PHF13: variants seen among roughly 807,000 people sequenced by gnomAD.
PHF13 encodes the protein PHD zinc finger protein PHF5.
Under a neutral mutation model 25.8 loss-of-function variants are expected in PHF13, and 1 was observed. The ratio of observed to expected loss-of-function variants is 0.04; its 90% confidence interval spans 0.01 to 0.18. The LOEUF is 0.18. Ranked by LOEUF, PHF13 falls within the 10% of genes least tolerant of loss-of-function variation. PHF13 has a pLI of 1.00. For missense variants in PHF13, 306 were observed against 403.2 expected, an observed-to-expected ratio of 0.76 and a Z score of 2.06; for synonymous variants, 195 against 162.4, an observed-to-expected ratio of 1.20 and a Z score of -1.53.
intron 2 of PHF13, among the ~76,000 whole-genome samples, chr1:6,618,469 G>A (rs1436709270): frequency 2.0e-5 from 3 of 152,176 alleles, no homozygotes; most frequent in Non-Finnish European, 2.9e-5. Flanking sequence ...GTCTCACTGT[G>A]TTGCTGAGGC....
rs775474076 is a variant in PHF13 at position 6,619,782 on chromosome 1, C to G, written c.142-21C>G. ...GGATCTTGTCACCAGTAACTGGAAT[C>G]TGCCACCTTTGTCTTTTTAGGAACT... On this transcript the variant is annotated intron_variant, in intron 2 of 3. Coordinates refer to ENST00000377648, the MANE Select transcript of PHF13 (RefSeq NM_153812.3). 1.9e-6 allele frequency: 3 copies of G among 1,568,326 alleles called. No individual in the cohort carries two copies. In the Admixed American group the frequency reaches 5.4e-5, roughly 28 times the overall value.
At position 6,613,816 on chromosome 1, in the gene PHF13, C is replaced by G; in HGVS notation, c.-251C>G. On this transcript the variant is annotated 5_prime_UTR_variant, in exon 1 of 4. Transcript: ENST00000377648. ...CGCTCACCGCCGCCGCCGCCGCCCC[C>G]TGCAGCCACTCTCCCGCCTCTACCG... 1 of 421,012 alleles carries G rather than the reference C, an allele frequency of 2.4e-6. No individual in the cohort carries two copies. The highest frequency in any genetic ancestry group is 4.2e-6 in the Non-Finnish European group (1 of 235,790). 26.1% of individuals were successfully genotyped at this position (421,012 alleles called of 1,614,324 possible). A position where few individuals can be genotyped will look rare whatever the true frequency, so the allele number is the denominator to read the frequency against.
Position 6,621,496 on chromosome 1 carries a change from C to T in PHF13, c.762C>T (p.Thr254=). ...RPMIECNECH[T]WIHLSCAKIR... ...TGATCGAGTGTAATGAGTGCCACAC[C>T]TGGATTCACCTGTCCTGTGCGAAAA... Residue 254 remains threonine, a synonymous_variant, in exon 4 of 4, where the codon ACC becomes ACT. Coordinates refer to ENST00000377648, the MANE Select transcript of PHF13 (RefSeq NM_153812.3). This position sits in a 1 kb window ranked among gnomAD's most constrained non-coding sequence, Gnocchi z 4.8. 6.2e-7 allele frequency: 1 copy of T among 1,614,160 alleles called. No homozygotes were observed.
intron 1 of PHF13, chr1:6,614,464 C>A (rs1021913073): frequency 1.3e-5 from 3 of 238,950 alleles, no homozygotes; most frequent in Middle Eastern, 1.4e-3. Context: ...TCCCCGCCCC[C>A]GGGGACGCGG....
chr1:6,615,271 C>G (rs905530879), intron 1 of PHF13, among the ~76,000 whole-genome samples: 6 of 152,130 alleles, frequency 3.9e-5, no homozygotes, highest in African/African-American at 9.7e-5. Flanking sequence ...CTGCTGGTTC[C>G]CCGCCGAAAG....
chr1:6,623,492 GTT>G lies in PHF13; in HGVS notation c.*1859_*1860del, dbSNP rs976689761. ...ACGTGAATAACCAGCGCTCCAAAGT[GTT>G]TTTCTGCTTTGAAAAAAAAAAATTC... On this transcript the variant is annotated 3_prime_UTR_variant, in exon 4 of 4. Transcript: ENST00000377648. 8.5e-6 allele frequency: 1 copy of G among 117,998 alleles called. No individual in the cohort carries two copies. Among genetic ancestry groups the G allele is most frequent in the Non-Finnish European group, 1.8e-5 (1 of 55,752 alleles). 7.3% of individuals were successfully genotyped at this position (117,998 alleles called of 1,614,324 possible). A position where few individuals can be genotyped will look rare whatever the true frequency, so the allele number is the denominator to read the frequency against.
In PHF13 at chr1:6,619,941, C is replaced by T. The variant is rs1641313375; in HGVS notation, c.280C>T (p.Gln94Ter). ...PVSDRCFSHL[Q>*]PTLLQRAKPS... ...CTCTGACCGCTGCTTTAGCCACCTG[C>T]AGCCTACTCTCTTGCAGCGAGCCAA... is the stretch of plus-strand genomic sequence containing the variant. Residue 94 changes from glutamine (Q) to a stop codon, truncating the protein, a stop_gained, in exon 3 of 4, where the codon CAG becomes TAG. Transcript: ENST00000377648. LOFTEE classifies it high-confidence loss of function. The T allele has an allele frequency of 6.2e-7, 1 of 1,613,852 alleles. No individual in the cohort carries two copies. Among genetic ancestry groups the T allele is most frequent in the African/African-American group, 1.3e-5 (1 of 74,900 alleles).
At chr1:6,617,169 A>G (rs1641273761) in intron 2 of PHF13, among the ~76,000 whole-genome samples, 1 of 143,170 alleles carries the variant, frequency 7.0e-6, no homozygotes, top group Admixed American at 6.9e-5. Flanking sequence ...GTGTCGTAAA[A>G]CTCCACCCCC....
rs1471359783 is a variant in PHF13 at position 6,621,532 on chromosome 1, C to G, written c.798C>G (p.Ser266=). The G allele has an allele frequency of 6.2e-7, 1 of 1,614,170 alleles. No homozygotes were observed. The highest frequency in any genetic ancestry group is 1.1e-5 in the South Asian group (1 of 91,086). The change falls in exon 4 of 4, where the codon TCC becomes TCG. Residue 266 remains serine, a synonymous_variant. Coordinates refer to ENST00000377648, the MANE Select transcript of PHF13 (RefSeq NM_153812.3). The surrounding 1 kb of genome is among the most constrained non-coding windows in gnomAD (Gnocchi z 4.8). Reference sequence around the variant, plus strand: ...TGTCCTGTGCGAAAATCCGGAAATCCAATGTTCCAGAAGTGTTTGTCTGCC... The same window carrying G: ...TGTCCTGTGCGAAAATCCGGAAATCGAATGTTCCAGAAGTGTTTGTCTGCC... The part of the protein sequence containing the change: ...IHLSCAKIRK[S]NVPEVFVCQK...
At chr1:6,617,765 C>T (rs1011615155) in intron 2 of PHF13, among the ~76,000 whole-genome samples, 5 of 152,218 alleles carry the variant, frequency 3.3e-5, no homozygotes, top group Non-Finnish European at 7.3e-5. Context: ...TAGTTACTGA[C>T]TGTTGACCAT....
chr1:6,614,045 G>A lies in PHF13; in HGVS notation c.-22G>A. On this transcript the variant is annotated 5_prime_UTR_variant, in exon 1 of 4. Transcript: ENST00000377648. ...TCCCAGCTCCTGCACTCTCGCAGCC[G>A]CCGCCGCCCCCCGCCCGGAACATGG... is the stretch of plus-strand genomic sequence containing the variant. 6.3e-7 allele frequency: 1 copy of A among 1,581,990 alleles called. No individual in the cohort carries two copies. Among genetic ancestry groups the A allele is most frequent in the Non-Finnish European group, 8.6e-7 (1 of 1,165,792 alleles).
chr1:6,616,189 C>T lies in PHF13; in HGVS notation c.40-568C>T, dbSNP rs371221402. Among the ~76,000 whole-genome samples, 251 of 152,032 alleles carry T rather than the reference C, an allele frequency of 1.7e-3. 1 individual carries two copies. Among genetic ancestry groups the T allele is most frequent in the African/African-American group, 4.6e-3 (192 of 41,466 alleles). On this transcript the variant is annotated intron_variant, in intron 1 of 3. Transcript: ENST00000377648. Reference sequence around the variant, plus strand: ...GACTACAGGTGCACGCCACCACGCCCGGCTAATTTTTGTATTTTTAGTAGA... The same window carrying T: ...GACTACAGGTGCACGCCACCACGCCTGGCTAATTTTTGTATTTTTAGTAGA...
chr1:6,614,307 C>T (rs1422788293), intron 1 of PHF13: 7 of 536,638 alleles, frequency 1.3e-5, no homozygotes, highest in Non-Finnish European at 1.6e-5. Flanking sequence ...CCTCCGCGTC[C>T]CCTCCGCGGA....
Position 6,613,970 on chromosome 1 carries a change from G to T in PHF13, c.-97G>T. On this transcript the variant is annotated 5_prime_UTR_variant, in exon 1 of 4. Transcript: ENST00000377648. ...GGCGACCCCTCCCGGGTCCGCCCTC[G>T]CCCTGCGCAGCCGCCCGAGCCCCCA... 4.9e-6 allele frequency: 4 copies of T among 815,168 alleles called. No individual in the cohort carries two copies. The highest frequency in any genetic ancestry group is 3.3e-4 in the Middle Eastern group (1 of 3,054). The allele number at this position is 815,168 out of a possible 1,614,324, so 50.5% of individuals were successfully genotyped here.
In PHF13 at chr1:6,614,351, C is replaced by T. The variant is rs1452310762; in HGVS notation, c.39+246C>T. ...TCCTCCCCGCGCCCTTTCCCCAGGGCCGTTGCGCCTATTTCTCTCCCCCGG... is the reference window on the plus strand; with the variant it reads ...TCCTCCCCGCGCCCTTTCCCCAGGGTCGTTGCGCCTATTTCTCTCCCCCGG... On this transcript the variant is annotated intron_variant, in intron 1 of 3. Transcript: ENST00000377648. The T allele has an allele frequency of 1.6e-4, 79 of 492,334 alleles. No homozygotes were observed. The South Asian group carries it at 1.9e-3, about 12-fold the overall frequency. 30.5% of individuals were successfully genotyped at this position (492,334 alleles called of 1,614,324 possible).
chr1:6,619,352 G>C (rs1557446286), intron 2 of PHF13, among the ~76,000 whole-genome samples: 2 of 144,630 alleles, frequency 1.4e-5, no homozygotes, highest in Admixed American at 1.4e-4. Flanking sequence ...ATGGCACTGG[G>C]TTTTTTTTTT....
chr1:6,615,281 G>A (rs375151746), intron 1 of PHF13, among the ~76,000 whole-genome samples: 2 of 152,168 alleles, frequency 1.3e-5, no homozygotes, highest in Admixed American at 6.5e-5. Flanking sequence ...CCCGCCGAAA[G>A]AAAAGTTCTT....
chr1:6,622,911 G>C lies in PHF13; in HGVS notation c.*1274G>C, dbSNP rs910083657. 1.3e-5 allele frequency: 2 copies of C among 152,266 alleles called. No individual in the cohort carries two copies. The highest frequency in any genetic ancestry group is 2.9e-5 in the Non-Finnish European group (2 of 68,050). 9.4% of individuals were successfully genotyped at this position (152,266 alleles called of 1,614,324 possible). On this transcript the variant is annotated 3_prime_UTR_variant, in exon 4 of 4. Transcript: ENST00000377648. Reference sequence around the variant, plus strand: ...GGAACACTGGTAGTTCTGGGGCTGGGAGGGAGAGGGGCTCCGGCTTTCTCT... The same window carrying C: ...GGAACACTGGTAGTTCTGGGGCTGGCAGGGAGAGGGGCTCCGGCTTTCTCT...
At chr1:6,615,674 G>A (rs1215831119) in intron 1 of PHF13, among the ~76,000 whole-genome samples, 2 of 152,180 alleles carry the variant, frequency 1.3e-5, no homozygotes, top group Non-Finnish European at 2.9e-5. Flanking sequence ...CGAATAAACA[G>A]CAATACGGCA....
Sources: gnomAD v4.1 joint callset for allele counts (sites outside exome capture counted in the v4.1 genomes callset) on GRCh38, gnomAD v4.1.1 for gene constraint, Gnocchi (gnomAD v3.1) non-coding constraint, MANE v1.5 for transcripts, NCBI Gene and HGNC (gene_info 2026-07-23, HGNC 2026-07-21) for gene names.